Variants in AFF4 observed in about 807,000 individuals in gnomAD.
The protein encoded by AFF4 is ALF transcription elongation factor 4.
In AFF4, 13 loss-of-function variants were observed where a neutral mutation model predicts 124.8. The observed-to-expected ratio is 0.10, with a 90% CI of 0.07 to 0.17. The LOEUF is 0.17. Among genes scored for constraint, AFF4 ranks in the 10% least tolerant of loss-of-function variants. The probability of loss-of-function intolerance (pLI) is 1.00; values close to 1 mark genes in which losing one functional copy is unlikely to be tolerated. For missense variants in AFF4, 1,092 were observed against 1,403.8 expected (o/e 0.78, Z 3.55); for synonymous variants, 477 against 496.1 (o/e 0.96, Z 0.51).
At position 132,875,738 on chromosome 5, in the gene AFF4, C is replaced by T. The variant is rs1182570232; in HGVS notation, c.*5321G>A. The T allele has an allele frequency of 9.8e-6, 2 of 205,120 alleles. No individual in the cohort carries two copies. Among genetic ancestry groups the T allele is most frequent in the African/African-American group, 2.3e-5 (1 of 43,866 alleles). The allele number at this position is 205,120 out of a possible 1,614,324, so 12.7% of individuals were successfully genotyped here. A position where few individuals can be genotyped will look rare whatever the true frequency, so the allele number is the denominator to read the frequency against. ...TGACTTAGAAATCCTAGCTTTTGAG[C>T]CCCAAAGTACCTCTGAAATTGTAAT... On this transcript the variant is annotated 3_prime_UTR_variant, in exon 21 of 21. Transcript: ENST00000265343.
chr5:132,928,344 C>CA, intron 4 of AFF4, among the ~76,000 whole-genome samples: 1 of 152,152 alleles, frequency 6.6e-6, no homozygotes. Flanking sequence ...CAACCTTGCA[C>CA]AAAGGTCATC....
At chr5:132,929,936 G>A (rs1434787345) in intron 4 of AFF4, among the ~76,000 whole-genome samples, 2 of 152,130 alleles carry the variant, frequency 1.3e-5, no homozygotes, top group Non-Finnish European at 2.9e-5. Flanking sequence ...CGGCAGAAAC[G>A]GGAAGAAAGG....
At chr5:132,940,705 C>T (rs1398548897) in intron 1 of AFF4, among the ~76,000 whole-genome samples, 5 of 152,008 alleles carry the variant, frequency 3.3e-5, no homozygotes, top group Non-Finnish European at 4.4e-5. Context: ...TATAAGGCTA[C>T]CAGGAAGCTA....
At chr5:132,946,801 T>C (rs1761707167) in intron 1 of AFF4, among the ~76,000 whole-genome samples, 1 of 152,190 alleles carries the variant, frequency 6.6e-6, no homozygotes, top group African/African-American at 2.4e-5. Flanking sequence ...TTTGCCACAA[T>C]AAAAAAATTA....
intron 1 of AFF4, among the ~76,000 whole-genome samples, chr5:132,953,228 G>GT (rs974751391): frequency 7.9e-5 from 12 of 151,154 alleles, no homozygotes; most frequent in East Asian, 3.9e-4. Context: ...AGAAATCTCT[G>GT]TTTTTTTTAA....
chr5:132,912,232 C>T (rs1459396064), intron 5 of AFF4, among the ~76,000 whole-genome samples: 5 of 151,228 alleles, frequency 3.3e-5, no homozygotes, highest in Non-Finnish European at 7.4e-5. Context: ...GTAATCCCAG[C>T]TACTCCAGAG....
chr5:132,891,872 A>G, intron 13 of AFF4: 1 of 488,192 alleles, frequency 2.0e-6, no homozygotes, highest in Non-Finnish European at 3.6e-6. Context: ...GGCTGGACTC[A>G]AATTCCTCAA....
chr5:132,912,557 C>T (rs1182262861), intron 5 of AFF4, among the ~76,000 whole-genome samples: 1 of 152,016 alleles, frequency 6.6e-6, no homozygotes, highest in Non-Finnish European at 1.5e-5. Context: ...GACAGGGTCT[C>T]ACTATGTTGC....
intron 13 of AFF4, chr5:132,891,816 T>A (rs575391991): frequency 1.7e-4 from 50 of 300,092 alleles, no homozygotes; most frequent in East Asian, 1.3e-3. Flanking sequence ...TTTTTTTTTT[T>A]AAATTTTAAA....
At chr5:132,898,487 T>A (rs940673053) in intron 9 of AFF4, 95 bp from the exon 10 acceptor site, 3 of 1,329,714 alleles carry the variant, frequency 2.3e-6, no homozygotes, top group Non-Finnish European at 3.0e-6. Flanking sequence ...TTTTTCTTCT[T>A]GTCTTTTTTT....
chr5:132,923,390 G>C (rs868476458), intron 5 of AFF4, among the ~76,000 whole-genome samples: 2 of 146,940 alleles, frequency 1.4e-5, no homozygotes, highest in African/African-American at 2.7e-5. Context: ...GAGAGAGAGA[G>C]AGAGAGAGAA....
At chr5:132,962,712 G>C (rs931689747) in intron 1 of AFF4, among the ~76,000 whole-genome samples, 1 of 151,868 alleles carries the variant, frequency 6.6e-6, no homozygotes, top group African/African-American at 2.4e-5. Context: ...GACCGATTCA[G>C]AAGTTGTAGG....
chr5:132,960,009 C>A (rs980455654), intron 1 of AFF4, among the ~76,000 whole-genome samples: 1 of 152,050 alleles, frequency 6.6e-6, no homozygotes, highest in African/African-American at 2.4e-5. Flanking sequence ...CCAGCCTCAG[C>A]CTCCCAAAGT....
At chr5:132,940,951 C>G (rs1761554282) in intron 1 of AFF4, among the ~76,000 whole-genome samples, 1 of 151,764 alleles carries the variant, frequency 6.6e-6, no homozygotes, top group Non-Finnish European at 1.5e-5. Flanking sequence ...AGCTTGAACT[C>G]AGGAGGCGGA....
Position 132,881,055 on chromosome 5 carries a change from C to T in AFF4, c.*4G>A. The stretch of plus-strand genomic sequence containing the variant: ...AAATCAGAGGCAACGAGAATGTGTT[C>T]AGTTCAAGATATCAACTTGGCATCC... On this transcript the variant is annotated 3_prime_UTR_variant, in exon 21 of 21. Coordinates refer to ENST00000265343, the MANE Select transcript of AFF4 (RefSeq NM_014423.4). 6.2e-7 allele frequency: 1 copy of T among 1,610,518 alleles called. No homozygotes were observed. Among genetic ancestry groups the T allele is most frequent in the Non-Finnish European group, 8.5e-7 (1 of 1,179,004 alleles).
intron 5 of AFF4, among the ~76,000 whole-genome samples, chr5:132,911,816 A>G (rs1760797173): frequency 6.6e-6 from 1 of 151,848 alleles, no homozygotes; most frequent in Non-Finnish European, 1.5e-5. Context: ...ACAGATTAAA[A>G]GCAATGATTA....
chr5:132,931,796 C>T (rs1320172386), intron 4 of AFF4, among the ~76,000 whole-genome samples: 2 of 152,076 alleles, frequency 1.3e-5, no homozygotes, highest in Non-Finnish European at 2.9e-5. Context: ...ATACAAAAAT[C>T]AGCCGGGCAT....
At chr5:132,934,969 TA>T in intron 2 of AFF4, 28 bp from the exon 3 acceptor site, 1 of 1,440,092 alleles carries the variant, frequency 6.9e-7, no homozygotes, top group African/African-American at 1.4e-5. Flanking sequence ...AAAATAAAAT[TA>T]TAAAATGAGC....
chr5:132,939,712 T>A lies in AFF4; in HGVS notation c.-4-2519A>T, dbSNP rs555857954. Among the ~76,000 whole-genome samples the A allele has an allele frequency of 1.2e-3, 183 of 152,276 alleles. 1 individual carries two copies. The highest frequency in any genetic ancestry group is 4.3e-3 in the African/African-American group (177 of 41,576). On this transcript the variant is annotated intron_variant, in intron 1 of 20. Transcript: ENST00000265343. ...TGCAACCTCCACCACCCAGGTTCAA[T>A]TGATTCTCCTGCCTCAGCCTCCTGA... is the stretch of plus-strand genomic sequence containing the variant.
Sources: allele counts gnomAD v4.1 joint callset (sites outside exome capture counted in the v4.1 genomes callset), GRCh38; gene constraint gnomAD v4.1.1; transcripts MANE v1.5; gene names NCBI Gene and HGNC (gene_info 2026-07-23, HGNC 2026-07-21).